Variants in SLC25A26 observed in about 807,000 individuals in gnomAD.
The protein encoded by SLC25A26 is solute carrier family 25 member 26.
SLC25A26 carries 36 observed loss-of-function variants against 37.8 expected under a neutral mutation model. The ratio of observed to expected loss-of-function variants is 0.95; its 90% CI spans 0.73 to 1.26. SLC25A26 has a LOEUF of 1.26. SLC25A26 is among the 50% of genes most tolerant of loss of function. The pLI, the probability that SLC25A26 is intolerant of heterozygous loss-of-function variation, is 0.00. For synonymous variants in SLC25A26, 129 were observed against 122.5 expected (o/e 1.05, Z -0.35); for missense variants, 390 against 331.1 (o/e 1.18, Z -1.38).
chr3:66,371,691 C>T (rs1406262403), intron 9 of SLC25A26, among the ~76,000 whole-genome samples: 3 of 152,108 alleles, frequency 2.0e-5, no homozygotes, highest in Non-Finnish European at 4.4e-5. Flanking sequence ...GCTGCCATAT[C>T]GTGAGGGGTG....
At chr3:66,335,734 GTCTTC>G (rs1209743982) in intron 5 of SLC25A26, among the ~76,000 whole-genome samples, 3 of 152,178 alleles carry the variant, frequency 2.0e-5, no homozygotes, top group Non-Finnish European at 2.9e-5. Flanking sequence ...CAAGCTTACT[GTCTTC>G]TCTTCTATTC....
At chr3:66,159,016 C>G (rs2070321224) in intron 1 of SLC25A26, among the ~76,000 whole-genome samples, 1 of 152,114 alleles carries the variant, frequency 6.6e-6, no homozygotes, top group Admixed American at 6.5e-5. Flanking sequence ...TTGCCACATG[C>G]CCACAGAAGC....
chr3:66,284,007 T>C (rs560588904), intron 5 of SLC25A26, among the ~76,000 whole-genome samples: 7 of 152,372 alleles, frequency 4.6e-5, no homozygotes, highest in African/African-American at 1.7e-4. Flanking sequence ...GTCTTCACTT[T>C]TTTATGCTAA....
intron 1 of SLC25A26, among the ~76,000 whole-genome samples, chr3:66,167,797 T>G (rs1426806489): frequency 6.6e-6 from 1 of 152,144 alleles, no homozygotes; most frequent in Non-Finnish European, 1.5e-5. Flanking sequence ...TCTAGTAAAT[T>G]TCTCAATAAA....
At chr3:66,249,137 G>A (rs568802568) in intron 3 of SLC25A26, among the ~76,000 whole-genome samples, 3 of 152,168 alleles carry the variant, frequency 2.0e-5, no homozygotes, top group Non-Finnish European at 2.9e-5. Context: ...ACCTAAAAAG[G>A]CTAGTTTAAT....
chr3:66,305,975 CTTTTTTTCTTTT>C (rs2075209419), intron 5 of SLC25A26, among the ~76,000 whole-genome samples: 1 of 152,000 alleles, frequency 6.6e-6, no homozygotes, highest in African/African-American at 2.4e-5. Flanking sequence ...TTGTTTCTTT[CTTTTTTTCTTTT>C]TCTTTTCTTT....
intron 1 of SLC25A26, among the ~76,000 whole-genome samples, chr3:66,208,821 T>C (rs2071219840): frequency 7.3e-6 from 1 of 137,182 alleles, no homozygotes; most frequent in Non-Finnish European, 1.6e-5. Context: ...TATATATATA[T>C]ACCTTTATAT....
intron 5 of SLC25A26, among the ~76,000 whole-genome samples, chr3:66,331,667 T>TA (rs1184553596): frequency 6.6e-6 from 1 of 152,196 alleles, no homozygotes; most frequent in South Asian, 2.1e-4. Flanking sequence ...GTTTCTTTTT[T>TA]AAAAAATGTC....
At position 66,285,773 on chromosome 3, in the gene SLC25A26, A is replaced by G. The variant is rs114880186; in HGVS notation, c.453+22394A>G. On this transcript the variant is annotated intron_variant, in intron 5 of 9. Coordinates refer to ENST00000354883, the MANE Select transcript of SLC25A26 (RefSeq NM_001379210.1). ...CCACGCCTGGCCCAAAACTTGTTAT[A>G]TTTGAAGCCAGATGTATTCTGGTGT... Among the ~76,000 whole-genome samples the G allele has an allele frequency of 5.0e-3, 760 of 152,028 alleles. 11 individuals are homozygous for G. The highest frequency in any genetic ancestry group is 0.014 in the African/African-American group (562 of 41,458).
At chr3:66,149,589 C>G (rs1318121858) in intron 1 of SLC25A26, among the ~76,000 whole-genome samples, 1 of 152,106 alleles carries the variant, frequency 6.6e-6, no homozygotes, top group African/African-American at 2.4e-5. Flanking sequence ...TCATTTATTC[C>G]TATAATAACC....
At chr3:66,220,858 G>C, upstream of SLC25A26, 3 of 576,520 alleles carry the variant, frequency 5.2e-6, no homozygotes, top group South Asian at 6.2e-5. Context: ...AGGAAACCGA[G>C]GTAAGGGATT....
chr3:66,182,381 C>A (rs2070727538), intron 1 of SLC25A26, among the ~76,000 whole-genome samples: 1 of 152,100 alleles, frequency 6.6e-6, no homozygotes, highest in South Asian at 2.1e-4. Context: ...CCTTTTTGAC[C>A]TTTGGGATTA....
intron 5 of SLC25A26, among the ~76,000 whole-genome samples, chr3:66,319,960 T>G (rs2075650457): frequency 6.6e-6 from 1 of 151,990 alleles, no homozygotes; most frequent in African/African-American, 2.4e-5. Flanking sequence ...TTGGTCAGGC[T>G]GGTCTCAAAC....
At chr3:66,299,014 T>G (rs1383108632) in intron 5 of SLC25A26, among the ~76,000 whole-genome samples, 1 of 152,200 alleles carries the variant, frequency 6.6e-6, no homozygotes, top group Non-Finnish European at 1.5e-5. Flanking sequence ...CTTAGTTAAC[T>G]AACTTTATTT....
intron 5 of SLC25A26, among the ~76,000 whole-genome samples, chr3:66,319,946 C>A (rs1197118892): frequency 2.6e-5 from 4 of 151,782 alleles, no homozygotes; most frequent in Non-Finnish European, 4.4e-5. Context: ...GGAGTTTCTC[C>A]ATGTTGGTCA....
chr3:66,314,934 ATCATTG>A (rs770654065), intron 5 of SLC25A26, among the ~76,000 whole-genome samples: 17 of 150,806 alleles, frequency 1.1e-4, no homozygotes, highest in Non-Finnish European at 1.9e-4. Flanking sequence ...GTATTCTCTG[ATCATTG>A]TTTGTATTTC....
At chr3:66,373,349 G>A (rs143885504) in intron 9 of SLC25A26, among the ~76,000 whole-genome samples, 4 of 152,296 alleles carry the variant, frequency 2.6e-5, no homozygotes, top group South Asian at 4.1e-4. Context: ...ATTACTCCAC[G>A]TTAAGGCCGT....
chr3:66,259,045 T>C (rs1225277164), intron 3 of SLC25A26, among the ~76,000 whole-genome samples: 1 of 152,136 alleles, frequency 6.6e-6, no homozygotes, highest in Admixed American at 6.5e-5. Context: ...AGTGTTTGAT[T>C]AGCCAGACCT....
intron 6 of SLC25A26, among the ~76,000 whole-genome samples, chr3:66,352,564 T>C (rs2076483436): frequency 6.6e-6 from 1 of 152,008 alleles, no homozygotes; most frequent in African/African-American, 2.4e-5. Flanking sequence ...AATTTTGATT[T>C]TTTTCATATT....
Sources: gnomAD v4.1 joint callset for allele counts (sites outside exome capture counted in the v4.1 genomes callset) on GRCh38, gnomAD v4.1.1 for gene constraint, MANE v1.5 for transcripts, NCBI Gene and HGNC (gene_info 2026-07-23, HGNC 2026-07-21) for gene names.